SORCS2: variants seen among roughly 807,000 people sequenced by gnomAD.
The protein encoded by SORCS2 is sortilin related VPS10 domain containing receptor 2, also known as VPS10 domain-containing receptor SorCS2.
SORCS2 carries 100 observed loss-of-function variants against 141.6 expected under a neutral mutation model. The observed-to-expected ratio is 0.71, with a 90% CI of 0.60 to 0.83. The LOEUF (loss-of-function observed/expected upper bound fraction) is 0.83, where lower values mean the gene tolerates loss of function less well. Ranked by LOEUF, SORCS2 falls within the 40% of genes least tolerant of loss-of-function variation. The pLI is 0.00. For synonymous variants in SORCS2, 789 were observed against 676.9 expected, an observed-to-expected ratio of 1.17 and a Z score of -2.57; for missense variants, 1,646 against 1,560.2, an observed-to-expected ratio of 1.05 and a Z score of -0.93.
chr4:7,586,257 T>A (rs1716530423), intron 3 of SORCS2, among the ~76,000 whole-genome samples: 1 of 152,222 alleles, frequency 6.6e-6, no homozygotes, highest in South Asian at 2.1e-4. Flanking sequence ...AGTCTGTCTG[T>A]CTGGTCCCTG....
chr4:7,545,379 G>GAA (rs1713176034), intron 3 of SORCS2, among the ~76,000 whole-genome samples: 1 of 152,186 alleles, frequency 6.6e-6, no homozygotes, highest in Admixed American at 6.5e-5. Flanking sequence ...AGTGCTCTGG[G>GAA]GACCCACCTG....
chr4:7,327,414 G>A (rs1249231547), intron 1 of SORCS2, among the ~76,000 whole-genome samples: 6 of 152,182 alleles, frequency 3.9e-5, no homozygotes, highest in East Asian at 3.9e-4. Context: ...CTCCTCTCTT[G>A]TCTAAAGACA....
At chr4:7,595,881 C>T (rs143109884) in intron 3 of SORCS2, among the ~76,000 whole-genome samples, 24 of 152,310 alleles carry the variant, frequency 1.6e-4, no homozygotes, top group African/African-American at 4.8e-4. Context: ...AAGCCCGACG[C>T]GGACTCTGAC....
At chr4:7,725,465 A>G (rs1395903332) in intron 20 of SORCS2, among the ~76,000 whole-genome samples, 178 bp downstream of exon 20, 2 of 152,186 alleles carry the variant, frequency 1.3e-5, no homozygotes, top group Non-Finnish European at 2.9e-5. Flanking sequence ...GTGCCTTTTC[A>G]GGGCCCATCT....
chr4:7,254,763 G>T (rs962768663), intron 1 of SORCS2, among the ~76,000 whole-genome samples: 6 of 152,180 alleles, frequency 3.9e-5, no homozygotes. Flanking sequence ...GACTGGGCCT[G>T]CTTGGACCTC....
intron 12 of SORCS2, among the ~76,000 whole-genome samples, chr4:7,701,633 T>C (rs1185389867): frequency 6.6e-6 from 1 of 152,088 alleles, no homozygotes; most frequent in Admixed American, 6.5e-5. Flanking sequence ...GGGGTCAGGG[T>C]ACCTGCTGGA....
At chr4:7,254,320 A>G (rs897503067) in intron 1 of SORCS2, among the ~76,000 whole-genome samples, 1 of 152,246 alleles carries the variant, frequency 6.6e-6, no homozygotes, top group African/African-American at 2.4e-5. Flanking sequence ...TAGACACACC[A>G]TGGAATACTA....
chr4:7,699,737 C>A (rs568739001), intron 12 of SORCS2, among the ~76,000 whole-genome samples: 2 of 152,184 alleles, frequency 1.3e-5, no homozygotes, highest in African/African-American at 2.4e-5. Context: ...CAGGACCCAG[C>A]GTGGTCTCCG....
At chr4:7,693,527 C>G (rs1030755921) in intron 11 of SORCS2, among the ~76,000 whole-genome samples, 2 of 152,234 alleles carry the variant, frequency 1.3e-5, no homozygotes, top group African/African-American at 4.8e-5. Context: ...AGCCTGCTCC[C>G]TGCACTGTCC....
intron 2 of SORCS2, among the ~76,000 whole-genome samples, chr4:7,408,000 A>C (rs1725078787): frequency 6.6e-6 from 1 of 152,056 alleles, no homozygotes; most frequent in East Asian, 1.9e-4. Context: ...TAGTTGTTTC[A>C]GTTTACGTAT....
intron 3 of SORCS2, among the ~76,000 whole-genome samples, chr4:7,562,447 A>G (rs1468004498): frequency 1.3e-5 from 2 of 152,092 alleles, no homozygotes; most frequent in Non-Finnish European, 2.9e-5. Context: ...TGGGATAGTG[A>G]TAGGGAGTTT....
intron 3 of SORCS2, among the ~76,000 whole-genome samples, chr4:7,560,503 G>A (rs1337253014): frequency 6.6e-6 from 1 of 152,246 alleles, no homozygotes; most frequent in Non-Finnish European, 1.5e-5. Context: ...TGCTGCTCCC[G>A]GGAACCATGT....
chr4:7,309,099 C>T (rs796109614), intron 1 of SORCS2, among the ~76,000 whole-genome samples: 1 of 152,216 alleles, frequency 6.6e-6, no homozygotes, highest in Non-Finnish European at 1.5e-5. Context: ...GGGCTGGGAG[C>T]CCCTTGGTTG....
chr4:7,520,139 G>A (rs187862806), intron 2 of SORCS2, among the ~76,000 whole-genome samples: 3 of 152,314 alleles, frequency 2.0e-5, no homozygotes, highest in East Asian at 3.9e-4. Context: ...TGAGCCACTC[G>A]TACAGTTGCA....
Position 7,274,471 on chromosome 4 carries a change from G to A in SORCS2, c.480+81345G>A, listed in dbSNP as rs186026372. On this transcript the variant is annotated intron_variant, in intron 1 of 26. Transcript: ENST00000507866. ...GGCTTCTGGGGAGGCCTCAGGAAAC[G>A]TACAATCATGGTGGAAGGCAAACAG... Among the ~76,000 whole-genome samples, 77 of 152,274 alleles carry A rather than the reference G, an allele frequency of 5.1e-4. 1 individual carries two copies. The East Asian group carries it at 0.011, about 22-fold the overall frequency.
Position 7,326,492 on chromosome 4 carries a change from T to G in SORCS2, c.481-69796T>G, listed in dbSNP as rs1168473409. On this transcript the variant is annotated intron_variant, in intron 1 of 26. Transcript: ENST00000507866. ...CCTCCCCAAGCCTAAGCGTGAAGCA[T>G]GGGGCTGCCGGCATGGGAACCTTGC... Among the ~76,000 whole-genome samples the G allele has an allele frequency of 7.2e-5, 11 of 151,976 alleles. 1 individual carries two copies. The East Asian group carries it at 2.1e-3, about 29-fold the overall frequency.
intron 1 of SORCS2, among the ~76,000 whole-genome samples, chr4:7,269,378 G>T (rs1204613343): frequency 6.6e-6 from 1 of 152,216 alleles, no homozygotes; most frequent in Non-Finnish European, 1.5e-5. Flanking sequence ...TGAGGGTTTA[G>T]TGGTGTCCTC....
At chr4:7,624,627 C>A (rs933897897) in intron 3 of SORCS2, among the ~76,000 whole-genome samples, 1 of 152,232 alleles carries the variant, frequency 6.6e-6, no homozygotes, top group Non-Finnish European at 1.5e-5. Flanking sequence ...GAGATACATT[C>A]CCTTGCCTTC....
chr4:7,225,024 G>A (rs4689090), intron 1 of SORCS2, among the ~76,000 whole-genome samples: 1 of 152,110 alleles, frequency 6.6e-6, no homozygotes, highest in Non-Finnish European at 1.5e-5. Flanking sequence ...GAGAGAAAGA[G>A]AATGTGATCC....
Sources: allele counts gnomAD v4.1 joint callset (sites outside exome capture counted in the v4.1 genomes callset), GRCh38; gene constraint gnomAD v4.1.1; transcripts MANE v1.5; gene names NCBI Gene and HGNC (gene_info 2026-07-23, HGNC 2026-07-21).